The following TIGAR variants were observed in gnomAD, a reference collection of about 807,000 sequenced individuals.
TIGAR encodes the protein TP53 induced glycolysis regulatory phosphatase, also known as fructose-2,6-bisphosphatase TIGAR.
TIGAR carries 7 observed loss-of-function variants against 17.9 expected under a neutral mutation model. That is an observed-to-expected ratio of 0.39 (90% CI 0.22 to 0.73). The LOEUF (loss-of-function observed/expected upper bound fraction) is 0.73, where lower values mean the gene tolerates loss of function less well. Among genes scored for constraint, TIGAR ranks in the 30% least tolerant of loss-of-function variants. TIGAR has a pLI of 0.42. For synonymous variants in TIGAR, 94 were observed against 108.6 expected (o/e 0.87, Z 0.84); for missense variants, 258 against 327.4 (o/e 0.79, Z 1.64).
At chr12:4,336,964 A>G (rs148681725) in intron 2 of TIGAR, 75 bp from the exon 3 acceptor site, 18 of 1,373,500 alleles carry the variant, frequency 1.3e-5, no homozygotes, top group Middle Eastern at 1.9e-4. Flanking sequence ...TGCAGCTTAT[A>G]TTTTCTACAT....
At chr12:4,344,142 T>C (rs1591664095) in intron 3 of TIGAR, among the ~76,000 whole-genome samples, 1 of 151,920 alleles carries the variant, frequency 6.6e-6, no homozygotes, top group South Asian at 2.1e-4. Flanking sequence ...ATGGATAAAT[T>C]CCTCGACACC....
At chr12:4,342,268 C>T (rs1864731649) in intron 3 of TIGAR, among the ~76,000 whole-genome samples, 1 of 152,128 alleles carries the variant, frequency 6.6e-6, no homozygotes, top group African/African-American at 2.4e-5. Flanking sequence ...GATTGGTGTA[C>T]CTGAAAGTGA....
At chr12:4,329,328 CTTTTTTTTTTTT>C (rs34584528) in intron 1 of TIGAR, among the ~76,000 whole-genome samples, 2 of 73,264 alleles carry the variant, frequency 2.7e-5, no homozygotes, top group South Asian at 6.1e-4. Context: ...AGCTAATGAT[CTTTTTTTTTTTT>C]TTTTTTTTTT....
At chr12:4,338,977 CAAAAAA>C (rs1192832105) in intron 3 of TIGAR, among the ~76,000 whole-genome samples, 8 of 100,598 alleles carry the variant, frequency 8.0e-5, no homozygotes, top group African/African-American at 3.1e-4. Context: ...CTTTGTCTCA[CAAAAAA>C]AAAAAAAAAA....
At chr12:4,324,582 C>T (rs1275314494) in intron 1 of TIGAR, 2 of 1,600,894 alleles carry the variant, frequency 1.2e-6, no homozygotes, top group East Asian at 2.2e-5. Context: ...GGTGCGTCTT[C>T]ACCACTTCCG....
At chr12:4,327,927 A>T (rs955795030) in intron 1 of TIGAR, among the ~76,000 whole-genome samples, 2 of 152,056 alleles carry the variant, frequency 1.3e-5, no homozygotes, top group Non-Finnish European at 1.5e-5. Flanking sequence ...CGGCCTCCCA[A>T]AGTGCTGGGA....
intron 2 of TIGAR, among the ~76,000 whole-genome samples, chr12:4,336,304 C>T (rs1195860940): frequency 1.3e-5 from 2 of 152,192 alleles, no homozygotes; most frequent in African/African-American, 4.8e-5. Flanking sequence ...CAGGCCTCCT[C>T]TCCCAGCCCC....
In TIGAR at chr12:4,341,298, C is replaced by T. The variant is rs568719131; in HGVS notation, c.192+4138C>T. On this transcript the variant is annotated intron_variant, in intron 3 of 5. Transcript: ENST00000179259. Reference sequence around the variant, plus strand: ...GAGAGGGGGGGCGGTTCCAAGATGGCCGATTAGGAACAGCTCCAGTCTGCA... The same window carrying T: ...GAGAGGGGGGGCGGTTCCAAGATGGTCGATTAGGAACAGCTCCAGTCTGCA... 6.2e-4 allele frequency among the ~76,000 whole-genome samples: 95 copies of T among 152,178 alleles called. 1 individual carries two copies. In the South Asian group the frequency reaches 7.7e-3, roughly 12 times the overall value.
At position 4,352,928 on chromosome 12, in the gene TIGAR, C is replaced by T. The variant is rs2120696496; in HGVS notation, c.*237C>T. 2 of 475,728 alleles carry T rather than the reference C, an allele frequency of 4.2e-6. No individual in the cohort carries two copies. Among genetic ancestry groups the T allele is most frequent in the South Asian group, 7.9e-5 (2 of 25,246 alleles). 29.5% of individuals were successfully genotyped at this position (475,728 alleles called of 1,614,324 possible). A position where few individuals can be genotyped will look rare whatever the true frequency, so the allele number is the denominator to read the frequency against. The stretch of plus-strand genomic sequence containing the variant: ...TTTACCACCCTGCTAGATGTCATCT[C>T]TGGATTGCACATGGATGATGAAGGA... On this transcript the variant is annotated 3_prime_UTR_variant, in exon 6 of 6. Transcript: ENST00000179259.
intron 2 of TIGAR, among the ~76,000 whole-genome samples, chr12:4,333,549 A>G (rs532239182): frequency 6.6e-6 from 1 of 152,064 alleles, no homozygotes; most frequent in Non-Finnish European, 1.5e-5. Context: ...GGCTCCTGCA[A>G]CCTCCACCTC....
At chr12:4,331,338 A>AT in intron 2 of TIGAR, 21 bp downstream of exon 2, 1 of 1,604,156 alleles carries the variant, frequency 6.2e-7, no homozygotes. Flanking sequence ...TCCGATTGTT[A>AT]TTTTAGCTCT....
rs946315073 is a variant in TIGAR, at chr12:4,356,298, C to G, written c.*3607C>G. Among the ~76,000 whole-genome samples the G allele has an allele frequency of 1.3e-5, 2 of 152,166 alleles. No individual in the cohort carries two copies. The highest frequency in any genetic ancestry group is 4.8e-5 in the African/African-American group (2 of 41,434). Reference sequence around the variant, plus strand: ...AGGTTAGCTTAGGATTTCTCATCCTCCCATCTGTGAATGTCATAGATCTCT... The same window carrying G: ...AGGTTAGCTTAGGATTTCTCATCCTGCCATCTGTGAATGTCATAGATCTCT... On this transcript the variant is annotated 3_prime_UTR_variant, in exon 6 of 6. Coordinates refer to ENST00000179259, the MANE Select transcript of TIGAR (RefSeq NM_020375.3).
At chr12:4,343,186 A>T (rs558958030) in intron 3 of TIGAR, among the ~76,000 whole-genome samples, 61 of 152,342 alleles carry the variant, frequency 4.0e-4, no homozygotes, top group African/African-American at 1.3e-3. Context: ...AGTGCTAACT[A>T]TCTTAAATAT....
At position 4,352,915 on chromosome 12, in the gene TIGAR, C is replaced by T; in HGVS notation, c.*224C>T. ...TTTCCAGAATAATTTTACCACCCTG[C>T]TAGATGTCATCTCTGGATTGCACAT... is the stretch of plus-strand genomic sequence containing the variant. On this transcript the variant is annotated 3_prime_UTR_variant, in exon 6 of 6. Coordinates refer to ENST00000179259, the MANE Select transcript of TIGAR (RefSeq NM_020375.3). 2.0e-6 allele frequency: 1 copy of T among 504,702 alleles called. No individual in the cohort carries two copies. The highest frequency in any genetic ancestry group is 3.5e-6 in the Non-Finnish European group (1 of 285,920). 31.3% of individuals were successfully genotyped at this position (504,702 alleles called of 1,614,324 possible).
Position 4,324,798 on chromosome 12 carries a change from T to C in TIGAR, c.32+3495T>C. The stretch of plus-strand genomic sequence containing the variant: ...TTTGCGGAAGGTCCGCTTCTTCTGC[T>C]CTACCTCGGCCATCTTGTCGGATCC... On this transcript the variant is annotated intron_variant, in intron 1 of 5. Coordinates refer to ENST00000179259, the MANE Select transcript of TIGAR (RefSeq NM_020375.3). The C allele has an allele frequency of 4.8e-6, 3 of 623,842 alleles. No individual in the cohort carries two copies. In the South Asian group the frequency reaches 5.5e-5, roughly 11 times the overall value. 38.6% of individuals were successfully genotyped at this position (623,842 alleles called of 1,614,324 possible). A position where few individuals can be genotyped will look rare whatever the true frequency, so the allele number is the denominator to read the frequency against.
At chr12:4,326,622 C>T (rs1170121289) in intron 1 of TIGAR, among the ~76,000 whole-genome samples, 1 of 152,154 alleles carries the variant, frequency 6.6e-6, no homozygotes, top group Non-Finnish European at 1.5e-5. Flanking sequence ...CATTATATCA[C>T]AGTGGTTATG....
At chr12:4,349,301 T>G (rs75024747) in intron 3 of TIGAR, among the ~76,000 whole-genome samples, 4,607 of 152,272 alleles carry the variant, frequency 0.03, 216 homozygotes, top group African/African-American at 0.1. Flanking sequence ...TGGATTGTGC[T>G]GACTTCTGAA....
At chr12:4,350,122 A>G (rs1389538282) in intron 4 of TIGAR, among the ~76,000 whole-genome samples, 1 of 152,256 alleles carries the variant, frequency 6.6e-6, no homozygotes, top group Non-Finnish European at 1.5e-5. Context: ...AGGTACGCTC[A>G]TAAGAACTTA....
chr12:4,322,850 A>C (rs776856167), intron 1 of TIGAR, among the ~76,000 whole-genome samples: 1 of 152,056 alleles, frequency 6.6e-6, no homozygotes, highest in Non-Finnish European at 1.5e-5. Context: ...GAGAATTCTT[A>C]ACTTACTAAA....
Sources: allele counts gnomAD v4.1 joint callset (sites outside exome capture counted in the v4.1 genomes callset), GRCh38; gene constraint gnomAD v4.1.1; transcripts MANE v1.5; gene names NCBI Gene and HGNC (gene_info 2026-07-23, HGNC 2026-07-21).